ZFP69B: variants seen among roughly 807,000 people sequenced by gnomAD.
ZFP69B encodes the protein zinc finger protein 69 homolog B.
ZFP69B carries 20 observed loss-of-function variants against 19.7 expected under a neutral mutation model. The observed-to-expected ratio is 1.02, with a 90% CI of 0.71 to 1.48. ZFP69B has a LOEUF of 1.48. ZFP69B is among the 40% of genes most tolerant of loss of function. The pLI is 0.00. For synonymous variants in ZFP69B, 220 were observed against 222.7 expected, an observed-to-expected ratio of 0.99 and a Z score of 0.11; for missense variants, 583 against 632.6, an observed-to-expected ratio of 0.92 and a Z score of 0.84.
Position 40,463,013 on chromosome 1 carries a change from C to A in ZFP69B, c.1029C>A (p.Thr343=), listed in dbSNP as rs776532371. 65 of 1,613,966 alleles carry A rather than the reference C, an allele frequency of 4.0e-5. No individual in the cohort carries two copies. Among genetic ancestry groups the A allele is most frequent in the Non-Finnish European group, 1.7e-6 (2 of 1,180,024 alleles). Residue 343 remains threonine (T), a synonymous_variant, in exon 5 of 5, where the codon ACC becomes ACA. Coordinates refer to ENST00000361584, the MANE Select transcript of ZFP69B (RefSeq NM_023070.3). ...KPYECKECGK[T]FRHPSSLTQH... is the part of the protein sequence containing the mutation. ...ATGAATGTAAGGAGTGTGGGAAAAC[C>A]TTCAGACATCCTTCATCGCTTACTC... is the stretch of plus-strand genomic sequence containing the variant.
intron 4 of ZFP69B, 70 bp from the exon 5 acceptor site, chr1:40,462,351 A>C: frequency 1.4e-6 from 2 of 1,431,876 alleles, no homozygotes. Flanking sequence ...TTGTCCTTCC[A>C]TTCTCACCGT....
chr1:40,459,177 A>G (rs1645260442), intron 4 of ZFP69B, among the ~76,000 whole-genome samples: 1 of 151,742 alleles, frequency 6.6e-6, no homozygotes, highest in Non-Finnish European at 1.5e-5. Flanking sequence ...TTTCTGAGGA[A>G]CCTCTGTCTT....
intron 4 of ZFP69B, among the ~76,000 whole-genome samples, chr1:40,459,604 T>G (rs1414151541): frequency 6.6e-6 from 1 of 152,242 alleles, no homozygotes; most frequent in Non-Finnish European, 1.5e-5. Flanking sequence ...TATGCCTGAG[T>G]TACTCAACTT....
In ZFP69B at chr1:40,463,464, C is replaced by T. The variant is rs1218238460; in HGVS notation, c.1480C>T (p.Gln494Ter). ...FRHDSSFAKH[Q>*]RIHTGEKPYD... ...GCATGATTCATCCTTTGCTAAACATCAGAGAATTCATACTGGAGAAAAACC... is the reference window on the plus strand; with the variant it reads ...GCATGATTCATCCTTTGCTAAACATTAGAGAATTCATACTGGAGAAAAACC... Residue 494 changes from glutamine (Q) to a stop codon, truncating the protein, a stop_gained, in exon 5 of 5, where the codon CAG becomes TAG. Transcript: ENST00000361584. LOFTEE classifies it low-confidence loss of function (END_TRUNC). 6.2e-7 allele frequency: 1 copy of T among 1,614,066 alleles called. No homozygotes were observed. The highest frequency in any genetic ancestry group is 8.5e-7 in the Non-Finnish European group (1 of 1,179,984).
intron 1 of ZFP69B, among the ~76,000 whole-genome samples, chr1:40,452,081 C>T (rs925635310): frequency 1.3e-5 from 2 of 152,026 alleles, no homozygotes; most frequent in African/African-American, 2.4e-5. Flanking sequence ...GCTGAGATGG[C>T]GCCACTGCAC....
chr1:40,456,884 A>G lies in ZFP69B; in HGVS notation c.214-61A>G, dbSNP rs1645237804. On this transcript the variant is annotated intron_variant, in intron 2 of 4. Transcript: ENST00000361584. ...ACTTGACTAGAATCTCTTAGCATCT[A>G]GACAAAAGTCAGAACAACTTCCCAA... The G allele has an allele frequency of 5.1e-6, 8 of 1,564,188 alleles. 1 individual carries two copies. The South Asian group carries it at 5.8e-5, about 11-fold the overall frequency.
chr1:40,450,147 C>CG (rs1645169706), upstream of ZFP69B: 1 of 152,294 alleles, frequency 6.6e-6, no homozygotes, highest in Non-Finnish European at 1.5e-5. Context: ...GGTGGGAAGG[C>CG]GGGGGCGTGC....
intron 4 of ZFP69B, among the ~76,000 whole-genome samples, chr1:40,461,604 G>A (rs949593248): frequency 5.3e-5 from 8 of 152,134 alleles, no homozygotes; most frequent in Non-Finnish European, 1.2e-4. Context: ...AGACCAGCCT[G>A]GGCAACATGG....
In ZFP69B at chr1:40,463,023, C is replaced by A; in HGVS notation, c.1039C>A (p.Pro347Thr). Reference protein sequence around the residue: ...CKECGKTFRHPSSLTQHVRIH... With the variant: ...CKECGKTFRHTSSLTQHVRIH... ...GGAGTGTGGGAAAACCTTCAGACAT[C>A]CTTCATCGCTTACTCAACATGTTAG... is the stretch of plus-strand genomic sequence containing the variant. Residue 347 changes from proline to threonine, a missense_variant, in exon 5 of 5, where the codon CCT becomes ACT. Pro to Thr is a conservative substitution (Grantham distance 38). Transcript: ENST00000361584. 6.2e-7 allele frequency: 1 copy of A among 1,613,962 alleles called. No homozygotes were observed. The highest frequency in any genetic ancestry group is 2.2e-5 in the East Asian group (1 of 44,832).
At chr1:40,461,404 T>C (rs1403654004) in intron 4 of ZFP69B, among the ~76,000 whole-genome samples, 3 of 152,174 alleles carry the variant, frequency 2.0e-5, no homozygotes, top group South Asian at 2.1e-4. Context: ...TATTTTAGTG[T>C]TTAAAAGTAT....
chr1:40,460,979 C>CAA lies in ZFP69B; in HGVS notation c.437-1423_437-1422dup, dbSNP rs35932276. On this transcript the variant is annotated intron_variant, in intron 4 of 4. Transcript: ENST00000361584. ...TTAGCAACAGAGTGAGACTTTGTCTCAAAAAAAAAAAAAAAAAAAAGCCAG... is the reference window on the plus strand; with the variant it reads ...TTAGCAACAGAGTGAGACTTTGTCTCAAAAAAAAAAAAAAAAAAAAAAGCCAG... Among the ~76,000 whole-genome samples, 18 of 75,342 alleles carry CAA rather than the reference C, an allele frequency of 2.4e-4. No homozygotes were observed. In the South Asian group the frequency reaches 2.8e-3, roughly 12 times the overall value. The allele number at this position is 75,342 out of a possible 152,430, so 49.4% of individuals were successfully genotyped here.
chr1:40,462,287 C>G, intron 4 of ZFP69B, 134 bp from the exon 5 acceptor site: 1 of 805,740 alleles, frequency 1.2e-6, no homozygotes, highest in Admixed American at 3.3e-5. Flanking sequence ...GCTCTCTAGA[C>G]GGCAGAATCA....
rs780229853 is a variant in ZFP69B at position 40,462,404 on chromosome 1, T to A, written c.437-17T>A. 6.7e-5 allele frequency: 104 copies of A among 1,554,550 alleles called. No homozygotes were observed. The African/African-American group carries it at 1.1e-3, about 16-fold the overall frequency. ...AGTGCAAGGAATATGGATCTTTTTTTTTATTATTTCTTTCAGACTTGAAGA... is the reference window on the plus strand; with the variant it reads ...AGTGCAAGGAATATGGATCTTTTTTATTATTATTTCTTTCAGACTTGAAGA... On this transcript the variant is annotated splice_polypyrimidine_tract_variant and intron_variant, in intron 4 of 4. Coordinates refer to ENST00000361584, the MANE Select transcript of ZFP69B (RefSeq NM_023070.3).
chr1:40,462,849 A>C lies in ZFP69B; in HGVS notation c.865A>C (p.Lys289Gln). The C allele has an allele frequency of 6.2e-7, 1 of 1,614,094 alleles. No homozygotes were observed. The highest frequency in any genetic ancestry group is 8.5e-7 in the Non-Finnish European group (1 of 1,180,004). The change falls in exon 5 of 5, where the codon AAA (lysine) becomes CAA (glutamine). Residue 289 changes from lysine (K) to glutamine (Q), a missense_variant. Coordinates refer to ENST00000361584, the MANE Select transcript of ZFP69B (RefSeq NM_023070.3). ...FECNICEKIFKQLIHLTEHMR... is the reference protein window; with the variant it reads ...FECNICEKIFQQLIHLTEHMR... ...GTGTAATATTTGTGAAAAAATCTTC[A>C]AACAGCTTATTCACCTTACTGAACA...
At chr1:40,459,169 T>A (rs368542058) in intron 4 of ZFP69B, among the ~76,000 whole-genome samples, 1 of 152,234 alleles carries the variant, frequency 6.6e-6, no homozygotes, top group South Asian at 2.1e-4. Context: ...TGCCACAATT[T>A]CTGAGGAACC....
At position 40,463,261 on chromosome 1, in the gene ZFP69B, A is replaced by T; in HGVS notation, c.1277A>T (p.Lys426Ile). The T allele has an allele frequency of 6.2e-7, 1 of 1,614,150 alleles. No individual in the cohort carries two copies. Among genetic ancestry groups the T allele is most frequent in the Non-Finnish European group, 8.5e-7 (1 of 1,180,012 alleles). The change falls in exon 5 of 5, where the codon AAA (lysine) becomes ATA (isoleucine). Residue 426 changes from lysine (K) to isoleucine (I), a missense_variant. Lys to Ile is a moderately radical substitution (Grantham distance 102). Transcript: ENST00000361584. ...CCCTATATTTGTAATGTATGTAGTAAAACCTTCAGCCATAGTACATACCTA... is the reference window on the plus strand; with the variant it reads ...CCCTATATTTGTAATGTATGTAGTATAACCTTCAGCCATAGTACATACCTA... ...VKPYICNVCSKTFSHSTYLTQ... is the reference protein window; with the variant it reads ...VKPYICNVCSITFSHSTYLTQ...
intron 1 of ZFP69B, among the ~76,000 whole-genome samples, chr1:40,452,117 CT>C (rs1174190941): frequency 7.0e-6 from 1 of 143,630 alleles, no homozygotes; most frequent in Non-Finnish European, 1.5e-5. Flanking sequence ...AGAGCAAGAC[CT>C]TGTCTCAAAA....
In ZFP69B at chr1:40,462,877, T is replaced by C. The variant is rs1645302804; in HGVS notation, c.893T>C (p.Met298Thr). Residue 298 changes from methionine to threonine, a missense_variant, in exon 5 of 5, where the codon ATG becomes ACG. Transcript: ENST00000361584. ...FKQLIHLTEH[M>T]RIHTGEKPFR... Reference sequence around the variant, plus strand: ...CAGCTTATTCACCTTACTGAACACATGAGAATTCATACCGGGGAGAAACCT... The same window carrying C: ...CAGCTTATTCACCTTACTGAACACACGAGAATTCATACCGGGGAGAAACCT... The C allele has an allele frequency of 6.2e-7, 1 of 1,611,372 alleles. No individual in the cohort carries two copies. The highest frequency in any genetic ancestry group is 8.5e-7 in the Non-Finnish European group (1 of 1,177,554).
Position 40,463,397 on chromosome 1 carries a change from A to T in ZFP69B, c.1413A>T (p.Gly471=), listed in dbSNP as rs1487621469. The T allele has an allele frequency of 9.3e-6, 15 of 1,614,086 alleles. No homozygotes were observed. The highest frequency in any genetic ancestry group is 1.3e-5 in the Non-Finnish European group (15 of 1,179,942). The change falls in exon 5 of 5, where the codon GGA becomes GGT. Residue 471 remains glycine (G), a synonymous_variant. Transcript: ENST00000361584. ...CTATCCATCAGAGAGTCCATACTGG[A>T]GTAAAACCTTATGAATGCAGTCATT... ...HLSIHQRVHT[G]VKPYECSHCG... is the part of the protein sequence containing the mutation.
Sources: allele counts gnomAD v4.1 joint callset (sites outside exome capture counted in the v4.1 genomes callset), GRCh38; gene constraint gnomAD v4.1.1; transcripts MANE v1.5; gene names NCBI Gene and HGNC (gene_info 2026-07-23, HGNC 2026-07-21).